ABCB9: variants seen among roughly 807,000 people sequenced by gnomAD.
The protein encoded by ABCB9 is ABC-type oligopeptide transporter ABCB9.
A neutral mutation model predicts 62.0 loss-of-function variants in ABCB9; 36 were observed. That is an observed-to-expected ratio of 0.58 (90% CI 0.45 to 0.77). The LOEUF (loss-of-function observed/expected upper bound fraction) is 0.77, where lower values mean the gene tolerates loss of function less well. Ranked by LOEUF, ABCB9 falls within the 30% of genes least tolerant of loss-of-function variation. The pLI is 0.00. For synonymous variants in ABCB9, 435 were observed against 461.4 expected (o/e 0.94, Z 0.73); for missense variants, 943 against 1,054.7 (o/e 0.89, Z 1.47).
At chr12:122,935,151 A>T in intron 10 of ABCB9, 121 bp downstream of exon 10, 1 of 1,228,034 alleles carries the variant, frequency 8.1e-7, no homozygotes, top group Non-Finnish European at 1.1e-6. Context: ...AGGGTAACGT[A>T]GCGGGACCCC....
At chr12:122,920,590 T>G (rs932260923), downstream of ABCB9, among the ~76,000 whole-genome samples, 9 of 152,080 alleles carry the variant, frequency 5.9e-5, no homozygotes, top group African/African-American at 1.9e-4. Context: ...AGACTTGTTG[T>G]GAGGATTAAA....
chr12:122,946,235 G>C lies in ABCB9; in HGVS notation c.1054-13C>G. ...CTTTGGAGAGCCTCTATGGACAGGA[G>C]GGGGACAAGAAGGAGAAGACCCCAA... On this transcript the variant is annotated splice_polypyrimidine_tract_variant and intron_variant, in intron 5 of 11. Transcript: ENST00000280560. The C allele has an allele frequency of 1.2e-6, 2 of 1,613,918 alleles. No homozygotes were observed. Among genetic ancestry groups the C allele is most frequent in the South Asian group, 1.1e-5 (1 of 91,054 alleles).
chr12:122,944,760 T>G lies in ABCB9; in HGVS notation c.1252-241A>C. On this transcript the variant is annotated intron_variant, in intron 6 of 11. Transcript: ENST00000280560. The surrounding 1 kb of genome is among the most constrained non-coding windows in gnomAD (Gnocchi z 4.9). ...GTGGGCTTGGCCACAGAACAAGGCT[T>G]TCTTTGTGAGGTCCTGGCACACACA... The G allele has an allele frequency of 4.3e-6, 2 of 460,396 alleles. No individual in the cohort carries two copies. Among genetic ancestry groups the G allele is most frequent in the East Asian group, 3.9e-5 (1 of 25,602 alleles). 28.5% of individuals were successfully genotyped at this position (460,396 alleles called of 1,614,324 possible).
downstream of ABCB9, among the ~76,000 whole-genome samples, chr12:122,918,674 T>C (rs1000775914): frequency 1.3e-5 from 2 of 151,990 alleles, no homozygotes; most frequent in Non-Finnish European, 2.9e-5. Context: ...CCCAGGCTGG[T>C]CTCGAACTCC....
chr12:122,933,410 C>T (rs1446784194), intron 10 of ABCB9, among the ~76,000 whole-genome samples: 2 of 152,012 alleles, frequency 1.3e-5, no homozygotes, highest in South Asian at 2.1e-4. Context: ...CAAAATTAGC[C>T]GGGTATGGTG....
At chr12:122,928,958 C>T (rs192143618), downstream of ABCB9, 6 of 974,272 alleles carry the variant, frequency 6.2e-6, no homozygotes, top group Admixed American at 6.2e-5. Context: ...CCTAACTGGG[C>T]GATGAGGCAG....
rs1441648857 is a variant in ABCB9 at position 122,965,470 on chromosome 12, G to A, written c.-88+817C>T. ...TGGCTCTGGGGCAGGAGCGGGCTGG[G>A]TCTGCGTGGGTCCATCCTGATTTCA... On this transcript the variant is annotated intron_variant, in intron 1 of 11. Coordinates refer to ENST00000280560, the MANE Select transcript of ABCB9 (RefSeq NM_019625.4). Among the ~76,000 whole-genome samples the A allele has an allele frequency of 2.0e-5, 3 of 152,214 alleles. 1 individual carries two copies. Among genetic ancestry groups the A allele is most frequent in the Admixed American group, 2.0e-4 (3 of 15,274 alleles).
rs529154515 is a variant in ABCB9, at chr12:122,948,730, C to A, written c.947G>T (p.Gly316Val). 5 of 1,613,968 alleles carry A rather than the reference C, an allele frequency of 3.1e-6. No homozygotes were observed. In the East Asian group the frequency reaches 8.9e-5, roughly 29 times the overall value. ...VFLRNTVKVT[G>V]VVVFMFSLSW... Reference sequence around the variant, plus strand: ...GAGGCTGAACATGAAGACCACCACGCCCGTGACCTTGACTGTGTTCCGCAG... The same window carrying A: ...GAGGCTGAACATGAAGACCACCACGACCGTGACCTTGACTGTGTTCCGCAG... The change falls in exon 5 of 12, where the codon GGC becomes GTC. Residue 316 changes from glycine to valine, a missense_variant. Coordinates refer to ENST00000280560, the MANE Select transcript of ABCB9 (RefSeq NM_019625.4).
intron 9 of ABCB9, among the ~76,000 whole-genome samples, chr12:122,937,723 TCAC>T (rs1327727858): frequency 6.6e-6 from 1 of 152,222 alleles, no homozygotes; most frequent in African/African-American, 2.4e-5. Context: ...CCCATGGCCC[TCAC>T]CACCATCTCG....
At chr12:122,926,413 G>A (rs1315690041), downstream of ABCB9, among the ~76,000 whole-genome samples, 1 of 152,026 alleles carries the variant, frequency 6.6e-6, no homozygotes, top group South Asian at 2.1e-4. Flanking sequence ...TGGGTGTGGT[G>A]GCAGGCGCCT....
chr12:122,919,120 G>A (rs2034687388), downstream of ABCB9, among the ~76,000 whole-genome samples: 2 of 152,048 alleles, frequency 1.3e-5, no homozygotes, highest in Middle Eastern at 3.2e-3. Flanking sequence ...TGCATACCAC[G>A]GTTTGCAGTT....
At chr12:122,925,778 G>A (rs1442716272), downstream of ABCB9, among the ~76,000 whole-genome samples, 2 of 152,132 alleles carry the variant, frequency 1.3e-5, no homozygotes, top group Admixed American at 6.6e-5. Flanking sequence ...AAACATGAAT[G>A]TTCCCACTAT....
intron 10 of ABCB9, among the ~76,000 whole-genome samples, chr12:122,934,838 C>A (rs1419201423): frequency 6.6e-6 from 1 of 151,078 alleles, no homozygotes; most frequent in Non-Finnish European, 1.5e-5. Flanking sequence ...AAAAAAAAAA[C>A]CCAGCTCCTT....
intron 3 of ABCB9, 30 bp downstream of exon 3, chr12:122,950,421 G>T: frequency 6.3e-7 from 1 of 1,579,950 alleles, no homozygotes; most frequent in Non-Finnish European, 8.6e-7. Context: ...CGGGGTGTGC[G>T]GGGCAGGGCG....
In ABCB9 at chr12:122,932,523, G is replaced by C. The variant is rs1039392731; in HGVS notation, c.1904-195C>G. 6.6e-6 allele frequency among the ~76,000 whole-genome samples: 1 copy of C among 152,202 alleles called. No individual in the cohort carries two copies. Among genetic ancestry groups the C allele is most frequent in the African/African-American group, 2.4e-5 (1 of 41,466 alleles). On this transcript the variant is annotated intron_variant, in intron 10 of 11. Transcript: ENST00000280560. The surrounding 1 kb of genome is among the most constrained non-coding windows in gnomAD (Gnocchi z 4.7). ...AAGCCTACATGCAAATTGATAGCAA[G>C]TTACCAATTTTCACTCATTCATTTG...
At chr12:122,949,596 C>T (rs2036243646) in intron 4 of ABCB9, among the ~76,000 whole-genome samples, 192 bp downstream of exon 4, 2 of 152,186 alleles carry the variant, frequency 1.3e-5, no homozygotes, top group Admixed American at 1.3e-4. Flanking sequence ...GCAGCCCACA[C>T]CAAAACCTCA....
chr12:122,933,302 G>C (rs1015482878), intron 10 of ABCB9, among the ~76,000 whole-genome samples: 6 of 152,200 alleles, frequency 3.9e-5, no homozygotes, highest in Admixed American at 6.5e-5. Flanking sequence ...GTGGCTCCCA[G>C]CACTTTGGGA....
chr12:122,971,229 A>T (rs879310794), upstream of ABCB9, among the ~76,000 whole-genome samples: 9 of 151,004 alleles, frequency 6.0e-5, no homozygotes, highest in Non-Finnish European at 1.0e-4. Flanking sequence ...CCAAAAATAT[A>T]AAAAAAAATT....
chr12:122,943,279 T>C (rs1188632823), intron 7 of ABCB9, among the ~76,000 whole-genome samples: 3 of 152,142 alleles, frequency 2.0e-5, no homozygotes, highest in African/African-American at 4.8e-5. Flanking sequence ...CTTCCTTCCT[T>C]CCACGTCTCA....
Sources: gnomAD v4.1 joint callset for allele counts (sites outside exome capture counted in the v4.1 genomes callset) on GRCh38, gnomAD v4.1.1 for gene constraint, Gnocchi (gnomAD v3.1) non-coding constraint, MANE v1.5 for transcripts, NCBI Gene and HGNC (gene_info 2026-07-23, HGNC 2026-07-21) for gene names.